The following RPRD2 variants were observed in gnomAD, a reference collection of about 807,000 sequenced individuals.
RPRD2 encodes the protein regulation of nuclear pre-mRNA domain containing 2, also known as regulation of nuclear pre-mRNA domain-containing protein 2.
Under a neutral mutation model 104.4 loss-of-function variants are expected in RPRD2, and 12 were observed. The observed-to-expected ratio is 0.11, with a 90% CI of 0.07 to 0.19. The LOEUF is 0.19. RPRD2 is among the 10% of genes least tolerant of loss of function. The probability of loss-of-function intolerance (pLI) is 1.00; values close to 1 mark genes in which losing one functional copy is unlikely to be tolerated. For synonymous variants in RPRD2, 714 were observed against 684.9 expected, an observed-to-expected ratio of 1.04 and a Z score of -0.66; for missense variants, 1,543 against 1,790.1, an observed-to-expected ratio of 0.86 and a Z score of 2.49.
chr1:150,385,007 A>G (rs1427043213), intron 1 of RPRD2, among the ~76,000 whole-genome samples: 1 of 151,924 alleles, frequency 6.6e-6, no homozygotes, highest in Non-Finnish European at 1.5e-5. Context: ...AGCCTGGGCA[A>G]CATAGCAAGA....
At chr1:150,404,872 G>A (rs982635690) in intron 1 of RPRD2, among the ~76,000 whole-genome samples, 5 of 152,124 alleles carry the variant, frequency 3.3e-5, no homozygotes, top group African/African-American at 1.2e-4. Context: ...TGCACCTTTA[G>A]TGCATGTCTC....
At chr1:150,430,139 A>G (rs1665451689) in intron 2 of RPRD2, among the ~76,000 whole-genome samples, 1 of 152,190 alleles carries the variant, frequency 6.6e-6, no homozygotes, top group African/African-American at 2.4e-5. Flanking sequence ...ACAATTGACA[A>G]TCCATCGATT....
At chr1:150,464,471 C>A in intron 9 of RPRD2, 56 bp from the exon 10 acceptor site, 1 of 1,377,030 alleles carries the variant, frequency 7.3e-7, no homozygotes, top group Non-Finnish European at 1.0e-6. Flanking sequence ...GGGGAAGTAT[C>A]GGAAATTGAA....
intron 2 of RPRD2, among the ~76,000 whole-genome samples, chr1:150,435,690 G>GA (rs1165179236): frequency 6.6e-6 from 1 of 152,198 alleles, no homozygotes; most frequent in African/African-American, 2.4e-5. Context: ...GAGATTTAAG[G>GA]AAAGAAGTCA....
intron 1 of RPRD2, among the ~76,000 whole-genome samples, chr1:150,401,133 C>T (rs782792596): frequency 6.6e-6 from 1 of 151,928 alleles, no homozygotes; most frequent in African/African-American, 2.4e-5. Context: ...GCCGAGATCA[C>T]GCCACTGCAC....
At chr1:150,464,363 T>C (rs1208502625) in intron 9 of RPRD2, among the ~76,000 whole-genome samples, 164 bp from the exon 10 acceptor site, 19 of 29,564 alleles carry the variant, frequency 6.4e-4, no homozygotes, top group Admixed American at 3.1e-3. Flanking sequence ...CTTTTCAGGG[T>C]TTTTTTTTTT....
chr1:150,384,777 G>C (rs587676642), intron 1 of RPRD2, among the ~76,000 whole-genome samples: 2 of 152,092 alleles, frequency 1.3e-5, no homozygotes, highest in Admixed American at 1.3e-4. Flanking sequence ...AAAGTGGTGG[G>C]ATTACAGGCG....
intron 7 of RPRD2, among the ~76,000 whole-genome samples, chr1:150,453,478 G>A (rs1488533882): frequency 6.6e-6 from 1 of 151,978 alleles, no homozygotes; most frequent in African/African-American, 2.4e-5. Flanking sequence ...CTCATTTTTG[G>A]GTCCATTCTC....
At chr1:150,456,556 C>T (rs1553897598) in intron 7 of RPRD2, among the ~76,000 whole-genome samples, 1 of 151,276 alleles carries the variant, frequency 6.6e-6, no homozygotes, top group Admixed American at 6.6e-5. Context: ...TCACTTGAGC[C>T]GAGGAGTTCA....
At chr1:150,441,559 T>C (rs1666406111) in intron 3 of RPRD2, 1 of 241,572 alleles carries the variant, frequency 4.1e-6, no homozygotes, top group Non-Finnish European at 8.0e-6. Context: ...GACCGTCATT[T>C]TACTAGAAAT....
intron 1 of RPRD2, among the ~76,000 whole-genome samples, chr1:150,403,885 C>T (rs1179576400): frequency 6.6e-6 from 1 of 152,162 alleles, no homozygotes; most frequent in Non-Finnish European, 1.5e-5. Context: ...CCACCCACCT[C>T]GGCCTCCCAA....
intron 6 of RPRD2, among the ~76,000 whole-genome samples, 160 bp from the exon 7 acceptor site, chr1:150,446,066 T>TAAAA (rs1666749440): frequency 1.2e-5 from 1 of 82,022 alleles, no homozygotes; most frequent in African/African-American, 7.1e-5. Flanking sequence ...AGACTCCGTC[T>TAAAA]CAAAAAAAAA....
intron 2 of RPRD2, among the ~76,000 whole-genome samples, chr1:150,431,485 T>TTGTTTGTTTTTTTG (rs1473167455): frequency 5.6e-5 from 8 of 141,954 alleles, no homozygotes; most frequent in Admixed American, 2.2e-4. Flanking sequence ...TTTTTTTTTT[T>TTGTTTGTTTTTTTG]TTTTTTTTTT....
At position 150,472,531 on chromosome 1, in the gene RPRD2, C is replaced by T. The variant is rs1570810086; in HGVS notation, c.3583C>T (p.Pro1195Ser). Residue 1195 changes from proline (P) to serine (S), a missense_variant, in exon 11 of 11, where the codon CCC (proline) becomes TCC (serine). Around this residue, in one of 4 missense-constraint regions of RPRD2, gnomAD observed 880 missense variants for 885.6 expected, o/e 0.99. Coordinates refer to ENST00000369068, the MANE Select transcript of RPRD2 (RefSeq NM_015203.5). ...SFNSTFEHHLPPSPLEHGTPF... is the reference protein window; with the variant it reads ...SFNSTFEHHLSPSPLEHGTPF... The stretch of plus-strand genomic sequence containing the variant: ...CAACTCAACATTTGAGCATCATCTT[C>T]CCCCATCCCCCTTGGAACATGGGAC... 1.2e-6 allele frequency: 2 copies of T among 1,613,976 alleles called. No homozygotes were observed. The highest frequency in any genetic ancestry group is 1.7e-6 in the Non-Finnish European group (2 of 1,179,874).
intron 2 of RPRD2, among the ~76,000 whole-genome samples, chr1:150,430,319 G>A (rs1403365201): frequency 6.6e-6 from 1 of 152,114 alleles, no homozygotes; most frequent in Non-Finnish European, 1.5e-5. Flanking sequence ...AAGAGAATAC[G>A]CAAGAATGTA....
chr1:150,461,838 G>A (rs1667953154), intron 9 of RPRD2, among the ~76,000 whole-genome samples: 1 of 152,180 alleles, frequency 6.6e-6, no homozygotes, highest in Admixed American at 6.5e-5. Context: ...AAAATAGCCA[G>A]GCATGGTGGC....
At chr1:150,372,155 A>G (rs1176532384) in intron 1 of RPRD2, among the ~76,000 whole-genome samples, 5 of 152,212 alleles carry the variant, frequency 3.3e-5, no homozygotes, top group African/African-American at 1.2e-4. Flanking sequence ...CAAATTAGTA[A>G]TACAGGTGGG....
chr1:150,404,685 A>G (rs1663327257), intron 1 of RPRD2, among the ~76,000 whole-genome samples: 1 of 151,934 alleles, frequency 6.6e-6, no homozygotes, highest in African/African-American at 2.4e-5. Context: ...CAAACTTTGA[A>G]CTCTGAACTC....
chr1:150,384,904 C>G (rs1661451085), intron 1 of RPRD2, among the ~76,000 whole-genome samples: 1 of 151,950 alleles, frequency 6.6e-6, no homozygotes, highest in African/African-American at 2.4e-5. Context: ...GAAGTCCCAG[C>G]TAGTTGGGAG....
Sources: gnomAD v4.1 joint callset for allele counts (sites outside exome capture counted in the v4.1 genomes callset) on GRCh38, gnomAD v4.1.1 for gene constraint, gnomAD v4.1.1 regional missense constraint, MANE v1.5 for transcripts, NCBI Gene and HGNC (gene_info 2026-07-23, HGNC 2026-07-21) for gene names.